OSBPL1A: variants seen among roughly 807,000 people sequenced by gnomAD.
The protein encoded by OSBPL1A is oxysterol-binding protein-related protein 1.
OSBPL1A carries 80 observed loss-of-function variants against 137.1 expected under a neutral mutation model. The observed-to-expected ratio is 0.58, with a 90% CI of 0.49 to 0.70. The LOEUF is 0.70. OSBPL1A is among the 30% of genes least tolerant of loss of function. The probability of loss-of-function intolerance (pLI) is 0.00; values close to 1 mark genes in which losing one functional copy is unlikely to be tolerated. For missense variants in OSBPL1A, 970 were observed against 1,129.4 expected (o/e 0.86, Z 2.02); for synonymous variants, 365 against 389.7 (o/e 0.94, Z 0.75).
At chr18:24,307,217 A>G (rs2090520922) in intron 13 of OSBPL1A, among the ~76,000 whole-genome samples, 2 of 152,188 alleles carry the variant, frequency 1.3e-5, no homozygotes, top group Admixed American at 6.5e-5. Flanking sequence ...CAGGTGGTCA[A>G]TGCTGCAGTG....
chr18:24,206,082 G>T (rs933510732), intron 17 of OSBPL1A, among the ~76,000 whole-genome samples: 11 of 152,136 alleles, frequency 7.2e-5, no homozygotes, highest in Admixed American at 7.2e-4. Flanking sequence ...GTAGAGATGG[G>T]GTTGCACCAT....
At chr18:24,289,369 C>T (rs2090131913) in intron 14 of OSBPL1A, among the ~76,000 whole-genome samples, 1 of 150,388 alleles carries the variant, frequency 6.6e-6, no homozygotes. Context: ...GTTCAGGGGT[C>T]AACACTGAAT....
chr18:24,345,694 A>G (rs2091335759), intron 4 of OSBPL1A, among the ~76,000 whole-genome samples: 1 of 152,164 alleles, frequency 6.6e-6, no homozygotes, highest in Non-Finnish European at 1.5e-5. Flanking sequence ...TCAAAAAAAA[A>G]AAGTAGTTGA....
chr18:24,283,384 C>T (rs1270383924), intron 14 of OSBPL1A, among the ~76,000 whole-genome samples: 3 of 148,868 alleles, frequency 2.0e-5, no homozygotes, highest in African/African-American at 7.4e-5. Context: ...CCACAGTTTA[C>T]ATCTTACAAA....
intron 15 of OSBPL1A, among the ~76,000 whole-genome samples, chr18:24,244,063 G>A (rs1041126930): frequency 7.9e-5 from 12 of 152,282 alleles, no homozygotes; most frequent in Middle Eastern, 3.4e-3. Context: ...AAAAATTGGT[G>A]TAGAACTGCT....
intron 21 of OSBPL1A, among the ~76,000 whole-genome samples, chr18:24,175,484 G>A (rs1480568109): frequency 2.0e-5 from 3 of 152,098 alleles, no homozygotes; most frequent in Non-Finnish European, 4.4e-5. Context: ...CACTGCGCCT[G>A]ACCTTATCAT....
intron 14 of OSBPL1A, among the ~76,000 whole-genome samples, chr18:24,292,199 ATTC>A (rs1460607214): frequency 1.3e-5 from 2 of 152,224 alleles, no homozygotes; most frequent in African/African-American, 4.8e-5. Flanking sequence ...TAAGGTAGAA[ATTC>A]TTCTACTCAC....
At chr18:24,181,802 G>A (rs749888763) in intron 18 of OSBPL1A, among the ~76,000 whole-genome samples, 25 of 152,026 alleles carry the variant, frequency 1.6e-4, no homozygotes, top group Non-Finnish European at 2.4e-4. Flanking sequence ...TTCCCCAAAT[G>A]AATGCACTTT....
intron 22 of OSBPL1A, among the ~76,000 whole-genome samples, chr18:24,171,842 G>A (rs899493305): frequency 6.6e-6 from 1 of 152,160 alleles, no homozygotes; most frequent in African/African-American, 2.4e-5. Context: ...AGCTGGGTAA[G>A]CTGGGTTCAC....
intron 13 of OSBPL1A, among the ~76,000 whole-genome samples, chr18:24,308,738 T>C (rs962991476): frequency 4.6e-5 from 7 of 151,998 alleles, no homozygotes; most frequent in Non-Finnish European, 7.4e-5. Flanking sequence ...ATGTGGCTAA[T>C]ATGTAGTTAA....
chr18:24,297,044 T>C (rs927401474), intron 14 of OSBPL1A, among the ~76,000 whole-genome samples: 3 of 152,196 alleles, frequency 2.0e-5, no homozygotes, highest in African/African-American at 7.2e-5. Flanking sequence ...TCCTTCTTTC[T>C]CTTTCTTTTG....
intron 13 of OSBPL1A, chr18:24,311,612 A>T (rs900886314): frequency 5.4e-6 from 3 of 552,702 alleles, no homozygotes; most frequent in Non-Finnish European, 7.0e-6. Context: ...CTATGGTTGC[A>T]TTATTTAAAC....
At chr18:24,215,586 T>A (rs1346460366) in intron 17 of OSBPL1A, among the ~76,000 whole-genome samples, 3 of 152,134 alleles carry the variant, frequency 2.0e-5, no homozygotes, top group Non-Finnish European at 4.4e-5. Flanking sequence ...CCTCCTAAGC[T>A]ACCAAGCAAA....
intron 7 of OSBPL1A, among the ~76,000 whole-genome samples, chr18:24,321,975 G>A (rs994960551): frequency 6.6e-6 from 1 of 151,966 alleles, no homozygotes; most frequent in Non-Finnish European, 1.5e-5. Context: ...GCTTGTAAAC[G>A]TGGGCAAAAG....
intron 14 of OSBPL1A, among the ~76,000 whole-genome samples, chr18:24,296,231 A>G (rs1419424419): frequency 6.6e-6 from 1 of 152,074 alleles, no homozygotes; most frequent in African/African-American, 2.4e-5. Context: ...TCCTTGGCTA[A>G]GCACATTCCT....
chr18:24,181,073 C>A (rs1376067863), intron 19 of OSBPL1A, 72 bp downstream of exon 19: 4 of 1,507,918 alleles, frequency 2.7e-6, no homozygotes, highest in Admixed American at 2.1e-5. Context: ...ATTGTGTGAA[C>A]GTGTGTGTGT....
At chr18:24,249,482 G>A (rs916676901) in intron 15 of OSBPL1A, among the ~76,000 whole-genome samples, 1 of 152,300 alleles carries the variant, frequency 6.6e-6, no homozygotes, top group Middle Eastern at 3.4e-3. Context: ...CACAGCACCT[G>A]ATTTCATATC....
intron 14 of OSBPL1A, among the ~76,000 whole-genome samples, chr18:24,295,721 T>A (rs2090277508): frequency 6.6e-6 from 1 of 152,170 alleles, no homozygotes; most frequent in Non-Finnish European, 1.5e-5. Context: ...CCAATTTATG[T>A]TTTTTTCAAA....
intron 17 of OSBPL1A, among the ~76,000 whole-genome samples, chr18:24,202,198 A>G (rs888103955): frequency 1.3e-5 from 2 of 152,140 alleles, no homozygotes; most frequent in African/African-American, 2.4e-5. Context: ...TCTTGCTACC[A>G]CCCAGCTGCG....
Sources: allele counts gnomAD v4.1 joint callset (sites outside exome capture counted in the v4.1 genomes callset), GRCh38; gene constraint gnomAD v4.1.1; transcripts MANE v1.5; gene names NCBI Gene and HGNC (gene_info 2026-07-23, HGNC 2026-07-21).